The following SLC36A4 variants were observed in gnomAD, a reference collection of about 807,000 sequenced individuals.
SLC36A4 encodes the protein neutral amino acid uniporter 4.
Under a neutral mutation model 50.5 loss-of-function variants are expected in SLC36A4, and 49 were observed. The ratio of observed to expected loss-of-function variants is 0.97; its 90% confidence interval spans 0.77 to 1.23. The LOEUF (loss-of-function observed/expected upper bound fraction) is 1.23. SLC36A4 is among the 50% of genes most tolerant of loss of function. SLC36A4 has a pLI of 0.00. For synonymous variants in SLC36A4, 207 were observed against 206.5 expected (o/e 1.00, Z -0.02); for missense variants, 611 against 608.4 (o/e 1.00, Z -0.05).
At chr11:93,175,425 G>A (rs1861414165) in intron 6 of SLC36A4, among the ~76,000 whole-genome samples, 1 of 150,578 alleles carries the variant, frequency 6.6e-6, no homozygotes, top group African/African-American at 2.4e-5. Context: ...TTTTTTGAAG[G>A]GTTTTTTGTG....
chr11:93,186,373 A>C (rs1483529159), intron 1 of SLC36A4, among the ~76,000 whole-genome samples: 1 of 152,144 alleles, frequency 6.6e-6, no homozygotes, highest in Non-Finnish European at 1.5e-5. Flanking sequence ...TCTACATTCC[A>C]TATTCCACTT....
At chr11:93,164,653 T>C (rs1158463853) in intron 8 of SLC36A4, among the ~76,000 whole-genome samples, 1 of 152,174 alleles carries the variant, frequency 6.6e-6, no homozygotes, top group African/African-American at 2.4e-5. Context: ...ATACAGGCAG[T>C]GGCCAAGAAT....
At chr11:93,164,201 A>C (rs1305901825) in intron 8 of SLC36A4, among the ~76,000 whole-genome samples, 1 of 152,304 alleles carries the variant, frequency 6.6e-6, no homozygotes, top group Non-Finnish European at 1.5e-5. Flanking sequence ...CATGTATACT[A>C]ACCCATGTAT....
intron 8 of SLC36A4, among the ~76,000 whole-genome samples, chr11:93,165,196 ATGGTTT>A (rs1235605714): frequency 6.6e-6 from 1 of 152,162 alleles, no homozygotes; most frequent in African/African-American, 2.4e-5. Flanking sequence ...ATGTTTACAA[ATGGTTT>A]TGCTCCCATA....
Position 93,180,748 on chromosome 11 carries a change from C to A in SLC36A4, c.540+49G>T, listed in dbSNP as rs1470946596. On this transcript the variant is annotated intron_variant, in intron 6 of 10. Coordinates refer to ENST00000326402, the MANE Select transcript of SLC36A4 (RefSeq NM_152313.4). ...CCACAGAAGATATATGAAGCCATAACTAGGGCTTTAGAAGAAAATGATTTC... is the reference window on the plus strand; with the variant it reads ...CCACAGAAGATATATGAAGCCATAAATAGGGCTTTAGAAGAAAATGATTTC... 3.1e-6 allele frequency: 4 copies of A among 1,302,850 alleles called. No individual in the cohort carries two copies. The East Asian group carries it at 9.3e-5, about 30-fold the overall frequency. The allele number at this position is 1,302,850 out of a possible 1,614,324, so 80.7% of individuals were successfully genotyped here.
At chr11:93,175,020 T>A (rs1288234521) in intron 6 of SLC36A4, among the ~76,000 whole-genome samples, 1 of 151,958 alleles carries the variant, frequency 6.6e-6, no homozygotes, top group East Asian at 1.9e-4. Flanking sequence ...TCAGAAGGAA[T>A]GGTACCAGTT....
chr11:93,197,971 A>G lies in SLC36A4; in HGVS notation c.-139T>C, dbSNP rs561704084. On this transcript the variant is annotated 5_prime_UTR_variant, in exon 1 of 11. Coordinates refer to ENST00000326402, the MANE Select transcript of SLC36A4 (RefSeq NM_152313.4). ...CGCCTCCCTGCCCCGGCGCTCCCCA[A>G]CCGCGCGGCGAGGAGCATGCGCAGT... The G allele has an allele frequency of 7.1e-6, 6 of 848,136 alleles. No homozygotes were observed. Among genetic ancestry groups the G allele is most frequent in the South Asian group, 4.6e-5 (2 of 43,508 alleles). 52.5% of individuals were successfully genotyped at this position (848,136 alleles called of 1,614,324 possible). A position where few individuals can be genotyped will look rare whatever the true frequency, so the allele number is the denominator to read the frequency against.
At chr11:93,151,162 A>G (rs972500969) in intron 10 of SLC36A4, among the ~76,000 whole-genome samples, 1 of 152,030 alleles carries the variant, frequency 6.6e-6, no homozygotes, top group Non-Finnish European at 1.5e-5. Context: ...GACAAAGAAG[A>G]CAAGTATACA....
intron 6 of SLC36A4, 40 bp from the exon 7 acceptor site, chr11:93,168,211 C>T (rs760871789): frequency 1.6e-6 from 2 of 1,235,224 alleles, no homozygotes; most frequent in Admixed American, 2.2e-5. Context: ...GGGGGAAAAA[C>T]TTCCATCAAC....
Position 93,146,945 on chromosome 11 carries a change from TC to T in SLC36A4, c.*1591del, listed in dbSNP as rs1435952927. The T allele has an allele frequency of 1.3e-5, 2 of 152,032 alleles. No homozygotes were observed. Among genetic ancestry groups the T allele is most frequent in the African/African-American group, 4.8e-5 (2 of 41,438 alleles). 9.4% of individuals were successfully genotyped at this position (152,032 alleles called of 1,614,324 possible). ...TTTATGGATTTTTTCTAAGCATGAA[TC>T]CCTTTATGTTATGATTCTTGTATAT... On this transcript the variant is annotated 3_prime_UTR_variant, in exon 11 of 11. Coordinates refer to ENST00000326402, the MANE Select transcript of SLC36A4 (RefSeq NM_152313.4).
chr11:93,180,066 T>C (rs1861669515), intron 6 of SLC36A4: 3 of 941,032 alleles, frequency 3.2e-6, no homozygotes, highest in Non-Finnish European at 3.8e-6. Flanking sequence ...GACAATCCTA[T>C]ATATTACTAT....
At chr11:93,173,920 G>A (rs1861319649) in intron 6 of SLC36A4, among the ~76,000 whole-genome samples, 1 of 141,194 alleles carries the variant, frequency 7.1e-6, no homozygotes, top group Non-Finnish European at 1.5e-5. Flanking sequence ...GGATTGACTT[G>A]GCGATGCGGG....
intron 6 of SLC36A4, among the ~76,000 whole-genome samples, chr11:93,176,598 T>C (rs1158678648): frequency 6.6e-6 from 1 of 152,100 alleles, no homozygotes; most frequent in Admixed American, 6.6e-5. Context: ...GGTTGTTCCT[T>C]TCCATGTTTA....
At chr11:93,155,801 C>T (rs1860331336) in intron 9 of SLC36A4, among the ~76,000 whole-genome samples, 1 of 152,036 alleles carries the variant, frequency 6.6e-6, no homozygotes, top group Non-Finnish European at 1.5e-5. Context: ...CATTTAGCTC[C>T]CACTTATAAG....
intron 1 of SLC36A4, chr11:93,197,085 T>C (rs1862460843): frequency 6.6e-6 from 1 of 152,216 alleles, no homozygotes. Context: ...GAAGATTCCA[T>C]TTAGATTTAA....
At chr11:93,155,114 A>G (rs1860290487) in intron 9 of SLC36A4, 1 of 152,194 alleles carries the variant, frequency 6.6e-6, no homozygotes, top group African/African-American at 2.4e-5. Context: ...AGAGGAAGAA[A>G]CATTACAGAA....
chr11:93,159,900 T>A, intron 9 of SLC36A4: 6 of 985,320 alleles, frequency 6.1e-6, no homozygotes, highest in Non-Finnish European at 6.0e-6. Context: ...AAAAGCCCTT[T>A]ACAGCTTTTC....
At chr11:93,159,364 C>T (rs764820276) in intron 9 of SLC36A4, among the ~76,000 whole-genome samples, 1 of 152,076 alleles carries the variant, frequency 6.6e-6, no homozygotes, top group Non-Finnish European at 1.5e-5. Flanking sequence ...ATAAGTCAAC[C>T]TTCAGGTATG....
intron 7 of SLC36A4, 96 bp downstream of exon 7, chr11:93,167,848 G>C (rs1255173354): frequency 5.6e-6 from 4 of 710,042 alleles, no homozygotes; most frequent in Non-Finnish European, 9.7e-6. Flanking sequence ...ATATGAAGTA[G>C]GGGTCTTTGC....
Sources: gnomAD v4.1 joint callset for allele counts (sites outside exome capture counted in the v4.1 genomes callset) on GRCh38, gnomAD v4.1.1 for gene constraint, MANE v1.5 for transcripts, NCBI Gene and HGNC (gene_info 2026-07-23, HGNC 2026-07-21) for gene names.